MAGEA10: variants seen among roughly 807,000 people sequenced by gnomAD.
The protein encoded by MAGEA10 is MAGE family member A10.
In MAGEA10, 7 loss-of-function variants were observed where a neutral mutation model predicts 8.6. The observed-to-expected ratio is 0.82, with a 90% confidence interval of 0.46 to 1.53. The LOEUF is 1.53. MAGEA10 is among the 40% of genes most tolerant of loss of function. The pLI is 0.01. For missense variants in MAGEA10, 293 were observed against 274.0 expected (o/e 1.07, Z -0.49); for synonymous variants, 125 against 107.4 (o/e 1.16, Z -1.02).
In MAGEA10 at chrX:152,135,115, T is replaced by C. The variant is rs774535111; in HGVS notation, c.506A>G (p.Glu169Gly). Residue 169 changes from glutamate to glycine, a missense_variant, in exon 4 of 4, where the codon GAA (glutamate) becomes GGA (glycine). Glu to Gly is a moderately conservative substitution (Grantham distance 98, BLOSUM62 -2). Coordinates refer to ENST00000370323, the MANE Select transcript of MAGEA10 (RefSeq NM_021048.5). ...ACTAAACAACAAAGGGAAGTGGTCT[T>C]CATAATTTCTTATGACACTCTCCAG... is the stretch of plus-strand genomic sequence containing the variant. ...EILESVIRNY[E>G]DHFPLLFSEA... 7.4e-6 allele frequency: 9 copies of C among 1,211,190 alleles called. No homozygotes were observed. The highest frequency in any genetic ancestry group is 2.3e-4 in the Middle Eastern group (1 of 4,355).
chrX:152,136,355 C>T (rs979742803), intron 2 of MAGEA10, among the ~76,000 whole-genome samples: 1 of 111,783 alleles, frequency 8.9e-6, no homozygotes, highest in African/African-American at 3.3e-5. Context: ...CAGAGGTCCT[C>T]CCAGAAAAGA....
At position 152,135,290 on chromosome X, in the gene MAGEA10, T is replaced by G; in HGVS notation, c.331A>C (p.Ser111Arg). 8.3e-7 allele frequency: 1 copy of G among 1,211,268 alleles called. No individual in the cohort carries two copies. Among genetic ancestry groups the G allele is most frequent in the Non-Finnish European group, 1.1e-6 (1 of 895,348 alleles). ...GTGCTTGGACTCTCCTCCTTTTGGC[T>G]GCTGGAGCCCTCATCAGATTGATCT... Reference protein sequence around the residue: ...PLDQSDEGSSSQKEESPSTLQ... With the variant: ...PLDQSDEGSSRQKEESPSTLQ... Residue 111 changes from serine to arginine, a missense_variant, in exon 4 of 4, where the codon AGC (serine) becomes CGC (arginine). Transcript: ENST00000370323.
At chrX:152,136,374 G>C (rs770795273) in intron 2 of MAGEA10, among the ~76,000 whole-genome samples, 6 of 111,763 alleles carry the variant, frequency 5.4e-5, no homozygotes. Flanking sequence ...GACAGCAAGA[G>C]GTGGCCATAT....
chrX:152,137,813 G>A (rs777184458), intron 1 of MAGEA10, among the ~76,000 whole-genome samples: 1 of 110,244 alleles, frequency 9.1e-6, no homozygotes, highest in African/African-American at 3.3e-5. Context: ...ATGGGCCACC[G>A]TGCCTGAAAC....
At position 152,134,937 on chromosome X, in the gene MAGEA10, T is replaced by G. The variant is rs1360761928; in HGVS notation, c.684A>C (p.Ile228=). The stretch of plus-strand genomic sequence containing the variant: ...CTATGAAGACTATGCTTAGGATAAG[T>G]ATGAGAATGCCAGTCTTGGGCATGC... ...VQSMPKTGIL[I]LILSIVFIEG... Residue 228 remains isoleucine, a synonymous_variant, in exon 4 of 4, where the codon ATA becomes ATC. Transcript: ENST00000370323. 8.3e-7 allele frequency: 1 copy of G among 1,208,121 alleles called. No individual in the cohort carries two copies. Among genetic ancestry groups the G allele is most frequent in the Admixed American group, 2.2e-5 (1 of 45,637 alleles).
At chrX:152,137,536 C>T (rs1298574496) in intron 1 of MAGEA10, among the ~76,000 whole-genome samples, 1 of 107,560 alleles carries the variant, frequency 9.3e-6, no homozygotes, top group Non-Finnish European at 1.9e-5. Flanking sequence ...TTCCCTCCTG[C>T]TGAATCGTGT....
In MAGEA10 at chrX:152,135,611, C is replaced by T; in HGVS notation, c.10G>A (p.Ala4Thr). MPRAPKRQRCMPEE... is the reference protein window; with the variant it reads MPRTPKRQRCMPEE... Reference sequence around the variant, plus strand: ...GGCATGCAGCGCTGACGCTTTGGAGCTCGAGGCATGATGACTCTGATCAGG... The same window carrying T: ...GGCATGCAGCGCTGACGCTTTGGAGTTCGAGGCATGATGACTCTGATCAGG... The change falls in exon 4 of 4, where the codon GCT becomes ACT. Residue 4 changes from alanine to threonine, a missense_variant. Transcript: ENST00000370323. 3.5e-6 allele frequency: 4 copies of T among 1,135,938 alleles called. No individual in the cohort carries two copies. The highest frequency in any genetic ancestry group is 4.7e-6 in the Non-Finnish European group (4 of 859,493). 93.6% of individuals were successfully genotyped at this position (1,135,938 alleles called of 1,213,427 possible).
At chrX:152,138,320 G>C (rs1410377010) in intron 1 of MAGEA10, among the ~76,000 whole-genome samples, 155 bp downstream of exon 1, 1 of 96,061 alleles carries the variant, frequency 1.0e-5, no homozygotes, top group Non-Finnish European at 2.1e-5. Flanking sequence ...CTTAAGCGGC[G>C]GGAGAGAGTG....
In MAGEA10 at chrX:152,134,454, T is replaced by A; in HGVS notation, c.*57A>T. 2 of 951,500 alleles carry A rather than the reference T, an allele frequency of 2.1e-6. No homozygotes were observed. The highest frequency in any genetic ancestry group is 2.8e-6 in the Non-Finnish European group (2 of 705,710). 78.4% of individuals were successfully genotyped at this position (951,500 alleles called of 1,213,427 possible). A position where few individuals can be genotyped will look rare whatever the true frequency, so the allele number is the denominator to read the frequency against. On this transcript the variant is annotated 3_prime_UTR_variant, in exon 4 of 4. Coordinates refer to ENST00000370323, the MANE Select transcript of MAGEA10 (RefSeq NM_021048.5). The stretch of plus-strand genomic sequence containing the variant: ...TTTTTTTTTAGATTCCACATATGAG[T>A]AAAATCATGTGGTATTTGACTTGCC...
rs1405928163 is a variant in MAGEA10 at position 152,135,066 on chromosome X, C to T, written c.555G>A (p.Leu185=). 1.7e-6 allele frequency: 2 copies of T among 1,209,294 alleles called. No individual in the cohort carries two copies. The highest frequency in any genetic ancestry group is 3.5e-5 in the African/African-American group (2 of 57,040). The change falls in exon 4 of 4, where the codon CTG becomes CTA. Residue 185 remains leucine, a synonymous_variant. Transcript: ENST00000370323. ...CTTCCTTTACATCAATGCCAAAGAC[C>T]AGCAGCATGCACTCGGAGGCTTCAC... The part of the protein sequence containing the change: ...LFSEASECML[L]VFGIDVKEVD...
chrX:152,137,530 C>T (rs1311796981), intron 1 of MAGEA10, among the ~76,000 whole-genome samples: 1 of 107,663 alleles, frequency 9.3e-6, no homozygotes, highest in Non-Finnish European at 1.9e-5. Flanking sequence ...AGCCCTTTCC[C>T]TCCTGCTGAA....
Position 152,134,460 on chromosome X carries a change from CAT to C in MAGEA10, c.*49_*50del, listed in dbSNP as rs1936619651. 2.4e-6 allele frequency: 2 copies of C among 823,982 alleles called. No homozygotes were observed. Among genetic ancestry groups the C allele is most frequent in the Middle Eastern group, 4.3e-4 (1 of 2,343 alleles). 67.9% of individuals were successfully genotyped at this position (823,982 alleles called of 1,213,427 possible). A position where few individuals can be genotyped will look rare whatever the true frequency, so the allele number is the denominator to read the frequency against. Reference sequence around the variant, plus strand: ...TTTAGATTCCACATATGAGTAAAATCATGTGGTATTTGACTTGCCTTTTAAAA... The same window carrying C: ...TTTAGATTCCACATATGAGTAAAATCGTGGTATTTGACTTGCCTTTTAAAA... On this transcript the variant is annotated 3_prime_UTR_variant, in exon 4 of 4. Coordinates refer to ENST00000370323, the MANE Select transcript of MAGEA10 (RefSeq NM_021048.5).
rs954340808 is a variant in MAGEA10 at position 152,138,537 on chromosome X, C to T, written c.-301G>A. On this transcript the variant is annotated 5_prime_UTR_variant, in exon 1 of 4. Transcript: ENST00000370323. ...CCGATCTCAAGCCTGTCCCTCAGAA[C>T]GAGAACCTCGCTTCTCTCTGATCCC... The T allele has an allele frequency of 2.8e-5, 3 of 107,019 alleles. No individual in the cohort carries two copies. The highest frequency in any genetic ancestry group is 6.9e-5 in the African/African-American group (2 of 29,111). 8.8% of individuals were successfully genotyped at this position (107,019 alleles called of 1,213,427 possible).
Position 152,134,596 on chromosome X carries a change from T to C in MAGEA10, c.1025A>G (p.Gln342Arg). 2 of 1,208,681 alleles carry C rather than the reference T, an allele frequency of 1.7e-6. No homozygotes were observed. The highest frequency in any genetic ancestry group is 2.2e-6 in the Non-Finnish European group (2 of 892,951). Residue 342 changes from glutamine to arginine, a missense_variant, in exon 4 of 4, where the codon CAG becomes CGG. Coordinates refer to ENST00000370323, the MANE Select transcript of MAGEA10 (RefSeq NM_021048.5). ...EALKDEEERA[Q>R]DRIATTDDTT... ...ATCATCTGTGGTGGCAATTCTGTCC[T>C]GGGCTCTCTCTTCCTCATCTTTCAA...
intron 1 of MAGEA10, among the ~76,000 whole-genome samples, chrX:152,137,306 T>G (rs1936695227): frequency 9.5e-6 from 1 of 105,692 alleles, no homozygotes; most frequent in South Asian, 4.5e-4. Flanking sequence ...TTAGCAACCC[T>G]CAGACCAAGG....
At chrX:152,138,029 C>A (rs1211777893) in intron 1 of MAGEA10, among the ~76,000 whole-genome samples, 1 of 110,255 alleles carries the variant, frequency 9.1e-6, no homozygotes, top group Non-Finnish European at 1.9e-5. Flanking sequence ...TCCTGGGATC[C>A]CTTCATGCCT....
Position 152,134,418 on chromosome X carries a change from C to CTTTTTT in MAGEA10, c.*87_*92dup. 3.3e-6 allele frequency: 2 copies of CTTTTTT among 606,959 alleles called. No homozygotes were observed. Among genetic ancestry groups the CTTTTTT allele is most frequent in the Non-Finnish European group, 4.8e-6 (2 of 415,804 alleles). The allele number at this position is 606,959 out of a possible 1,213,427, so 50.0% of individuals were successfully genotyped here. On this transcript the variant is annotated 3_prime_UTR_variant, in exon 4 of 4. Transcript: ENST00000370323. ...CTACTCTCTACTTCCATGATACCAACTTTTTTTTTTTTTTTTTTTAGATTC... is the reference window on the plus strand; with the variant it reads ...CTACTCTCTACTTCCATGATACCAACTTTTTTTTTTTTTTTTTTTTTTTTTAGATTC...
At position 152,134,887 on chromosome X, in the gene MAGEA10, A is replaced by T; in HGVS notation, c.734T>A (p.Val245Asp). Residue 245 changes from valine to aspartate, a missense_variant, in exon 4 of 4, where the codon GTC (valine) becomes GAC (aspartate). Val to Asp is a radical substitution (Grantham distance 152). Transcript: ENST00000370323. ...FIEGYCTPEE[V>D]IWEALNMMGL... is the part of the protein sequence containing the mutation. ...CATCATATTCAGTGCTTCCCAGATG[A>T]CCTCCTCAGGGGTGCAGTAGCCCTC... 1 of 1,210,609 alleles carries T rather than the reference A, an allele frequency of 8.3e-7. No individual in the cohort carries two copies. Among genetic ancestry groups the T allele is most frequent in the African/African-American group, 1.7e-5 (1 of 57,450 alleles).
intron 2 of MAGEA10, among the ~76,000 whole-genome samples, chrX:152,136,372 G>A (rs1936675041): frequency 8.9e-6 from 1 of 111,855 alleles, no homozygotes; most frequent in African/African-American, 3.3e-5. Flanking sequence ...AAGACAGCAA[G>A]AGGTGGCCAT....
Sources: allele counts gnomAD v4.1 joint callset (sites outside exome capture counted in the v4.1 genomes callset), GRCh38; gene constraint gnomAD v4.1.1; transcripts MANE v1.5; gene names NCBI Gene and HGNC (gene_info 2026-07-23, HGNC 2026-07-21).